The following RRM2 variants were observed in gnomAD, a reference collection of about 807,000 sequenced individuals.
RRM2 encodes the protein ribonucleotide reductase regulatory subunit M2.
RRM2 carries 6 observed loss-of-function variants against 45.9 expected under a neutral mutation model. The ratio of observed to expected loss-of-function variants is 0.13; its 90% CI spans 0.07 to 0.26. The LOEUF (loss-of-function observed/expected upper bound fraction) is 0.26, where lower values mean the gene tolerates loss of function less well. Ranked by LOEUF, RRM2 falls within the 10% of genes least tolerant of loss-of-function variation. RRM2 has a pLI of 1.00. For missense variants in RRM2, 343 were observed against 489.5 expected (o/e 0.70, Z 2.82); for synonymous variants, 177 against 173.0 (o/e 1.02, Z -0.18).
intron 3 of RRM2, among the ~76,000 whole-genome samples, chr2:10,200,528 G>GCA (rs558420696): frequency 0.016 from 75 of 4,654 alleles, 20 homozygotes; most frequent in East Asian, 0.083. Context: ...GGGACTGCGC[G>GCA]CACAAATTAT....
At chr2:10,186,831 A>C (rs1454349259) in intron 3 of RRM2, among the ~76,000 whole-genome samples, 1 of 152,186 alleles carries the variant, frequency 6.6e-6, no homozygotes, top group Non-Finnish European at 1.5e-5. Flanking sequence ...CCCTCCCCTC[A>C]CATGGAGCCA....
At position 10,129,345 on chromosome 2, in the gene RRM2, A is replaced by C; in HGVS notation, c.1129A>C (p.Ser377Arg). 6.2e-7 allele frequency: 1 copy of C among 1,613,696 alleles called. No homozygotes were observed. The highest frequency in any genetic ancestry group is 8.5e-7 in the Non-Finnish European group (1 of 1,179,900). Residue 377 changes from serine to arginine, a missense_variant, in exon 10 of 10, where the codon AGT becomes CGT. This residue lies in a region of RRM2 where 212 missense variants were observed against 368.1 expected (regional missense o/e 0.58). Coordinates refer to ENST00000304567, the MANE Select transcript of RRM2 (RefSeq NM_001034.4). The surrounding 1 kb of genome is among the most constrained non-coding windows in gnomAD (Gnocchi z 4.8). The part of the protein sequence containing the change: ...GEYQRMGVMS[S>R]PTENSFTLDA... ...GTATCAGAGGATGGGAGTGATGTCA[A>C]GTCCAACAGAGAATTCTTTTACCTT...
At chr2:10,133,797 A>G (rs1211263890), downstream of RRM2, among the ~76,000 whole-genome samples, 14 of 150,648 alleles carry the variant, frequency 9.3e-5, no homozygotes, top group Admixed American at 9.3e-4. Context: ...GGCTCTAGAG[A>G]CTGGAGTGGC....
At chr2:10,156,416 C>T (rs982948233) in intron 3 of RRM2, among the ~76,000 whole-genome samples, 10 of 152,168 alleles carry the variant, frequency 6.6e-5, no homozygotes, top group Admixed American at 1.3e-4. Flanking sequence ...AGGGCACTCA[C>T]TGAATGCTGT....
At chr2:10,192,009 C>T (rs544837110) in intron 3 of RRM2, among the ~76,000 whole-genome samples, 2 of 152,326 alleles carry the variant, frequency 1.3e-5, no homozygotes, top group Non-Finnish European at 2.9e-5. Flanking sequence ...CAAGCGGCAT[C>T]TCCTGAGGAT....
At chr2:10,140,920 G>T (rs1663067279), upstream of RRM2, among the ~76,000 whole-genome samples, 1 of 152,170 alleles carries the variant, frequency 6.6e-6, no homozygotes, top group African/African-American at 2.4e-5. Context: ...GGTCTCAGGT[G>T]GGCTTTAGGG....
At chr2:10,198,019 CGTT>C (rs1471376749) in intron 3 of RRM2, among the ~76,000 whole-genome samples, 1 of 152,176 alleles carries the variant, frequency 6.6e-6, no homozygotes. Context: ...TCCGCTCTGT[CGTT>C]GTAGGTGTAG....
At chr2:10,133,024 C>T (rs566584607), downstream of RRM2, among the ~76,000 whole-genome samples, 34 of 152,314 alleles carry the variant, frequency 2.2e-4, 1 homozygote, top group South Asian at 6.6e-3. Flanking sequence ...CTGAATCAGT[C>T]TGGGGGTAAA....
At chr2:10,178,052 G>T (rs1381237573) in intron 3 of RRM2, among the ~76,000 whole-genome samples, 5 of 151,654 alleles carry the variant, frequency 3.3e-5, no homozygotes, top group Admixed American at 3.3e-4. Flanking sequence ...CTCCTGAGCA[G>T]CTGGGACTAC....
At chr2:10,166,012 G>A (rs1334633545) in intron 3 of RRM2, among the ~76,000 whole-genome samples, 1 of 152,190 alleles carries the variant, frequency 6.6e-6, no homozygotes, top group Non-Finnish European at 1.5e-5. Context: ...CCAGCGGCCC[G>A]GAGGGGAGCA....
chr2:10,139,492 C>T (rs1025124648), upstream of RRM2, among the ~76,000 whole-genome samples: 2 of 152,182 alleles, frequency 1.3e-5, no homozygotes, highest in Non-Finnish European at 2.9e-5. Context: ...ACTTTTGCCA[C>T]TGTGAGCTGG....
chr2:10,187,553 G>C (rs574433916), intron 3 of RRM2, among the ~76,000 whole-genome samples: 183 of 152,332 alleles, frequency 1.2e-3, no homozygotes, highest in Non-Finnish European at 1.9e-3. Context: ...GGCTGGCTCT[G>C]TGTGTCCAGG....
At chr2:10,170,278 A>G (rs1421483232) in intron 3 of RRM2, among the ~76,000 whole-genome samples, 1 of 152,208 alleles carries the variant, frequency 6.6e-6, no homozygotes, top group African/African-American at 2.4e-5. Context: ...GTGGCTGGAG[A>G]CATAGAACAT....
At chr2:10,123,599 G>A (rs1662717092) in intron 3 of RRM2, 69 bp downstream of exon 3, 20 of 1,558,876 alleles carry the variant, frequency 1.3e-5, no homozygotes, top group Non-Finnish European at 1.7e-5. Flanking sequence ...TGCACTTGGA[G>A]GTTCCCGTTG....
upstream of RRM2, among the ~76,000 whole-genome samples, chr2:10,139,252 G>A (rs1663040127): frequency 6.6e-6 from 1 of 152,180 alleles, no homozygotes; most frequent in Non-Finnish European, 1.5e-5. Flanking sequence ...TCAGCCCTGG[G>A]TAGCCACTGA....
At chr2:10,144,705 A>G (rs1157791177) in intron 3 of RRM2, among the ~76,000 whole-genome samples, 4 of 152,148 alleles carry the variant, frequency 2.6e-5, no homozygotes, top group Non-Finnish European at 4.4e-5. Flanking sequence ...CTTTGCTTCT[A>G]TAGAATCTAG....
rs780686062 is a variant in RRM2 at position 10,122,764 on chromosome 2, C to T, written c.-35C>T. ...GTGCACCCTGTCCCAGCCGTCCTGT[C>T]CTGGCTGCTCGCTCTGCTTCGCTGC... On this transcript the variant is annotated 5_prime_UTR_variant, in exon 1 of 10. Transcript: ENST00000304567. 5.5e-5 allele frequency: 86 copies of T among 1,562,752 alleles called. No individual in the cohort carries two copies. Among genetic ancestry groups the T allele is most frequent in the Middle Eastern group, 1.7e-4 (1 of 6,022 alleles).
intron 3 of RRM2, among the ~76,000 whole-genome samples, chr2:10,181,765 TTTTTTTTTTTTTTTTTA>T (rs1664057873): frequency 1.1e-5 from 1 of 94,810 alleles, no homozygotes; most frequent in Non-Finnish European, 2.0e-5. Flanking sequence ...TTTTTTTTTT[TTTTTTTTTTTTTTTTTA>T]AGACAGGGTC....
chr2:10,144,022 G>A (rs1663140430), intron 3 of RRM2, among the ~76,000 whole-genome samples: 1 of 152,232 alleles, frequency 6.6e-6, no homozygotes, highest in Non-Finnish European at 1.5e-5. Context: ...GCTGTCTCTG[G>A]AGTGGCTGTG....
Sources: allele counts gnomAD v4.1 joint callset (sites outside exome capture counted in the v4.1 genomes callset), GRCh38; gene constraint gnomAD v4.1.1; regional missense constraint gnomAD v4.1.1; non-coding constraint Gnocchi (gnomAD v3.1); transcripts MANE v1.5; gene names NCBI Gene and HGNC (gene_info 2026-07-23, HGNC 2026-07-21).